Variants in EYS observed in about 807,000 individuals in gnomAD.
EYS encodes protein eyes shut homolog.
EYS carries 250 observed loss-of-function variants against 282.1 expected under a neutral mutation model. The ratio of observed to expected loss-of-function variants is 0.89; its 90% confidence interval spans 0.80 to 0.98. The LOEUF is 0.98. EYS is among the 50% of genes least tolerant of loss of function. The pLI, the probability that EYS is intolerant of heterozygous loss-of-function variation, is 0.00. For synonymous variants in EYS, 1,355 were observed against 1,282.9 expected, an observed-to-expected ratio of 1.06 and a Z score of -1.20; for missense variants, 4,016 against 3,709.0, an observed-to-expected ratio of 1.08 and a Z score of -2.15.
chr6:64,177,708 T>C (rs1214541863), intron 31 of EYS, among the ~76,000 whole-genome samples: 2 of 152,166 alleles, frequency 1.3e-5, no homozygotes, highest in Admixed American at 1.3e-4. Context: ...GATTCACACT[T>C]GTTATGTCTA....
At chr6:65,622,068 C>A (rs1276970083) in intron 2 of EYS, among the ~76,000 whole-genome samples, 2 of 152,106 alleles carry the variant, frequency 1.3e-5, no homozygotes, top group Non-Finnish European at 2.9e-5. Context: ...TTTAACTGAA[C>A]AACTTTTCCA....
intron 22 of EYS, among the ~76,000 whole-genome samples, chr6:64,670,157 G>A (rs190715006): frequency 5.1e-4 from 78 of 152,188 alleles, no homozygotes; most frequent in African/African-American, 1.9e-3. Context: ...ACTCCAAGTT[G>A]TAAAACTCCC....
At chr6:65,341,931 C>T (rs1299888928) in intron 10 of EYS, among the ~76,000 whole-genome samples, 1 of 151,168 alleles carries the variant, frequency 6.6e-6, no homozygotes, top group East Asian at 1.9e-4. Flanking sequence ...AGATAGTCGA[C>T]ATTTTACAAT....
At chr6:65,395,392 A>G (rs1305206345) in intron 7 of EYS, among the ~76,000 whole-genome samples, 2 of 152,166 alleles carry the variant, frequency 1.3e-5, no homozygotes, top group Non-Finnish European at 2.9e-5. Flanking sequence ...ATTTTTTTCC[A>G]ACTTTATCGA....
At chr6:63,935,336 C>T (rs1765025044) in intron 35 of EYS, among the ~76,000 whole-genome samples, 1 of 152,244 alleles carries the variant, frequency 6.6e-6, no homozygotes, top group Non-Finnish European at 1.5e-5. Context: ...TTTCTGGCCA[C>T]ATGCCCTCTT....
At chr6:63,748,489 T>C (rs1769264660) in intron 41 of EYS, among the ~76,000 whole-genome samples, 2 of 152,188 alleles carry the variant, frequency 1.3e-5, no homozygotes, top group South Asian at 4.1e-4. Flanking sequence ...ACCAGGATAA[T>C]GCTGGTCTCA....
chr6:65,639,231 C>T (rs1220751111), intron 2 of EYS, among the ~76,000 whole-genome samples: 1 of 151,920 alleles, frequency 6.6e-6, no homozygotes, highest in East Asian at 1.9e-4. Context: ...ACATTTAAAA[C>T]TAGTTGTCAG....
intron 16 of EYS, 85 bp downstream of exon 16, chr6:64,912,399 G>A (rs534425191): frequency 6.5e-6 from 8 of 1,238,430 alleles, no homozygotes; most frequent in Non-Finnish European, 6.9e-6. Flanking sequence ...ACCCATTTTA[G>A]GAGGCCATCA....
chr6:64,735,333 T>C (rs1772152006), intron 22 of EYS, among the ~76,000 whole-genome samples: 1 of 152,184 alleles, frequency 6.6e-6, no homozygotes, highest in Non-Finnish European at 1.5e-5. Flanking sequence ...TCAGCCTGCC[T>C]TGGCCTCCAA....
chr6:65,133,283 A>G (rs1209817067), intron 12 of EYS, among the ~76,000 whole-genome samples: 3 of 151,876 alleles, frequency 2.0e-5, no homozygotes, highest in African/African-American at 7.2e-5. Flanking sequence ...AACAAAAACA[A>G]AAAAAGCAAA....
intron 24 of EYS, among the ~76,000 whole-genome samples, chr6:64,615,713 C>T (rs1472247401): frequency 6.6e-6 from 1 of 152,088 alleles, no homozygotes; most frequent in Non-Finnish European, 1.5e-5. Flanking sequence ...TCCCTTATCT[C>T]ATTGTAGCAT....
intron 22 of EYS, among the ~76,000 whole-genome samples, chr6:64,644,212 G>T (rs1430376483): frequency 6.6e-6 from 1 of 152,118 alleles, no homozygotes; most frequent in East Asian, 1.9e-4. Context: ...AATAATTTCT[G>T]GACGAGTCAT....
chr6:64,153,658 G>A (rs1292243215), intron 31 of EYS, among the ~76,000 whole-genome samples: 2 of 152,116 alleles, frequency 1.3e-5, no homozygotes, highest in African/African-American at 4.8e-5. Flanking sequence ...AATATCAAGA[G>A]CTGGTGATGA....
intron 12 of EYS, among the ~76,000 whole-genome samples, chr6:65,151,301 G>T (rs908679014): frequency 6.6e-6 from 1 of 151,950 alleles, no homozygotes; most frequent in Admixed American, 6.6e-5. Flanking sequence ...ATTAGAGAGG[G>T]CTTTTAGGGT....
intron 12 of EYS, among the ~76,000 whole-genome samples, chr6:65,258,692 G>A (rs903862448): frequency 2.6e-5 from 4 of 151,942 alleles, no homozygotes; most frequent in African/African-American, 9.7e-5. Context: ...GAAATTTTGC[G>A]GTGGAATATA....
chr6:64,838,692 C>T (rs996777619), intron 19 of EYS, among the ~76,000 whole-genome samples: 1 of 151,420 alleles, frequency 6.6e-6, no homozygotes, highest in Non-Finnish European at 1.5e-5. Flanking sequence ...TAACAAATTA[C>T]TGCTTATGTG....
At chr6:64,084,598 G>C (rs945801611) in intron 31 of EYS, among the ~76,000 whole-genome samples, 1 of 152,184 alleles carries the variant, frequency 6.6e-6, no homozygotes, top group Non-Finnish European at 1.5e-5. Context: ...CCCTCCCCTA[G>C]AGGTGGACAG....
rs191508648 is a variant in EYS at position 63,806,135 on chromosome 6, T to G, written c.7411+55A>C. On this transcript the variant is annotated intron_variant, in intron 37 of 42. Coordinates refer to ENST00000503581, the MANE Select transcript of EYS (RefSeq NM_001142800.2). ...CCAATTAGAGTGTCCCTGAGGAATCTCTAAAGTATTCTTAAAGGAGCGAGG... is the reference window on the plus strand; with the variant it reads ...CCAATTAGAGTGTCCCTGAGGAATCGCTAAAGTATTCTTAAAGGAGCGAGG... 4.4e-3 allele frequency: 6,364 copies of G among 1,430,950 alleles called. 29 individuals carry two copies. Among genetic ancestry groups the G allele is most frequent in the Non-Finnish European group, 5.4e-3 (5,664 of 1,053,832 alleles). 88.6% of individuals were successfully genotyped at this position (1,430,950 alleles called of 1,614,324 possible).
At chr6:65,478,122 G>A (rs1399737774) in intron 5 of EYS, among the ~76,000 whole-genome samples, 2 of 152,094 alleles carry the variant, frequency 1.3e-5, no homozygotes, top group African/African-American at 4.8e-5. Context: ...ATCAGTAGGA[G>A]GAGTAAAGGA....
Sources: gnomAD v4.1 joint callset for allele counts (sites outside exome capture counted in the v4.1 genomes callset) on GRCh38, gnomAD v4.1.1 for gene constraint, MANE v1.5 for transcripts, NCBI Gene and HGNC (gene_info 2026-07-23, HGNC 2026-07-21) for gene names.